Variants in FBH1 observed in about 807,000 individuals in gnomAD.
FBH1 encodes F-box DNA helicase 1, also known as DNA 3'-5' helicase 1.
Under a neutral mutation model 115.5 loss-of-function variants are expected in FBH1, and 43 were observed. The ratio of observed to expected loss-of-function variants is 0.37; its 90% confidence interval spans 0.29 to 0.48. FBH1 has a LOEUF of 0.48. Among genes scored for constraint, FBH1 ranks in the 20% least tolerant of loss-of-function variants. The pLI is 0.99. For missense variants in FBH1, 1,001 were observed against 1,337.3 expected, an observed-to-expected ratio of 0.75 and a Z score of 3.92; for synonymous variants, 524 against 507.8, an observed-to-expected ratio of 1.03 and a Z score of -0.43.
Position 5,911,937 on chromosome 10 carries a change from G to A in FBH1, c.1211+809G>A, listed in dbSNP as rs1048260488. ...TTCAGAGAAGGTATAGATGCCTTAA[G>A]GGCCTGAAGATGGGAATGAATTTGG... is the stretch of plus-strand genomic sequence containing the variant. On this transcript the variant is annotated intron_variant, in intron 6 of 20. Coordinates refer to ENST00000362091, the MANE Select transcript of FBH1 (RefSeq NM_178150.3). The surrounding 1 kb of genome is among the most constrained non-coding windows in gnomAD (Gnocchi z 5.4). Among the ~76,000 whole-genome samples, 7 of 152,232 alleles carry A rather than the reference G, an allele frequency of 4.6e-5. No individual in the cohort carries two copies. Among genetic ancestry groups the A allele is most frequent in the East Asian group, 3.9e-4 (2 of 5,174 alleles).
chr10:5,916,120 C>T, intron 9 of FBH1, 114 bp from the exon 10 acceptor site: 1 of 897,370 alleles, frequency 1.1e-6, no homozygotes, highest in South Asian at 1.6e-5. Flanking sequence ...TTAACACTCG[C>T]CTGTGTGTGG....
upstream of FBH1, chr10:5,889,999 A>G (rs773559823): frequency 1.3e-4 from 30 of 230,566 alleles, no homozygotes; most frequent in Non-Finnish European, 1.3e-4. Context: ...AACTCTGGGA[A>G]AGTTTCCCGC....
rs1022640592 is a variant in FBH1, at chr10:5,937,130, G to T, written c.2982G>T (p.Lys994Asn). 4 of 1,607,550 alleles carry T rather than the reference G, an allele frequency of 2.5e-6. No homozygotes were observed. The highest frequency in any genetic ancestry group is 3.4e-6 in the Non-Finnish European group (4 of 1,176,512). ...CACAGAGCAACAGGAAGGAAAACAAGGGGGGCTACCTCTGCCACTCCTGTG... is the reference window on the plus strand; with the variant it reads ...CACAGAGCAACAGGAAGGAAAACAATGGGGGCTACCTCTGCCACTCCTGTG... ...PITYSNRKEN[K>N]GGYLCHSCAE... Residue 994 changes from lysine (K) to asparagine (N), a missense_variant, in exon 21 of 21, where the codon AAG (lysine) becomes AAT (asparagine). By Grantham distance (94) the Lys-to-Asn change is moderately conservative. Coordinates refer to ENST00000362091, the MANE Select transcript of FBH1 (RefSeq NM_178150.3).
chr10:5,930,187 G>A (rs1053984141), intron 19 of FBH1, among the ~76,000 whole-genome samples: 2 of 152,004 alleles, frequency 1.3e-5, no homozygotes, highest in African/African-American at 2.4e-5. Flanking sequence ...TGCCATTTTC[G>A]TATTTTATAA....
In FBH1 at chr10:5,936,846, T is replaced by G. The variant is rs1369883732; in HGVS notation, c.2961+259T>G. 2.7e-5 allele frequency: 16 copies of G among 588,710 alleles called. No individual in the cohort carries two copies. The highest frequency in any genetic ancestry group is 3.5e-5 in the Non-Finnish European group (12 of 338,866). The allele number at this position is 588,710 out of a possible 1,614,324, so 36.5% of individuals were successfully genotyped here. A position where few individuals can be genotyped will look rare whatever the true frequency, so the allele number is the denominator to read the frequency against. On this transcript the variant is annotated intron_variant, in intron 20 of 20. Transcript: ENST00000362091. This position sits in a 1 kb window ranked among gnomAD's most constrained non-coding sequence, Gnocchi z 5.6. ...CACGCTTAGAGAGAGAGCTGTTCCC[T>G]GGGGTCCCAGCGCAGCTTTTCTTGG...
Position 5,927,539 on chromosome 10 carries a change from G to T in FBH1, c.2827G>T (p.Gly943Trp). ...ATTGGAAAACATTTTGACTTTGGCT[G>T]GGGTAAGCAGAACGGGCAGCATGAG... ...KSLENILTLA[G>W]EYFLQAELTS... The change falls in exon 19 of 21, where the codon GGG becomes TGG. Residue 943 changes from glycine to tryptophan, a missense_variant and splice_region_variant. Gly to Trp is a radical substitution (Grantham distance 184, BLOSUM62 -2). This residue lies in a region of FBH1 where 521 missense variants were observed against 811.0 expected (regional missense o/e 0.64). Transcript: ENST00000362091. 1 of 1,611,688 alleles carries T rather than the reference G, an allele frequency of 6.2e-7. No homozygotes were observed. Among genetic ancestry groups the T allele is most frequent in the Admixed American group, 1.7e-5 (1 of 59,450 alleles).
At chr10:5,912,037 A>G (rs77281982) in intron 6 of FBH1, among the ~76,000 whole-genome samples, 7,307 of 151,950 alleles carry the variant, frequency 0.048, 251 homozygotes, top group East Asian at 0.15. Flanking sequence ...ATGGACAGGG[A>G]CAGTTGAGGG....
In FBH1 at chr10:5,925,940, G is replaced by A. The variant is rs1399320613; in HGVS notation, c.2722+448G>A. 6.6e-6 allele frequency among the ~76,000 whole-genome samples: 1 copy of A among 152,008 alleles called. No individual in the cohort carries two copies. The highest frequency in any genetic ancestry group is 2.4e-5 in the African/African-American group (1 of 41,344). On this transcript the variant is annotated intron_variant, in intron 18 of 20. Transcript: ENST00000362091. The surrounding 1 kb of genome is among the most constrained non-coding windows in gnomAD (Gnocchi z 4.6). ...AGTAAGCATTCTTTATCATTTGTCT[G>A]GTGTTTTTTGGTACAGACAGGGGTC...
rs753658524 is a variant in FBH1, at chr10:5,911,022, C to T, written c.1105C>T (p.Arg369Trp). ...CATCCAGCGACTGCTCTTCTGCCTC[C>T]GGAGACCCAGCTCCACGGTGACCAT... ...NDIQRLLFCL[R>W]RPSSTVTMPD... The change falls in exon 6 of 21, where the codon CGG (arginine) becomes TGG (tryptophan). Residue 369 changes from arginine (R) to tryptophan (W), a missense_variant. Arg to Trp is a moderately radical substitution (Grantham distance 101). Around this residue, in one of 4 missense-constraint regions of FBH1, gnomAD observed 59 missense variants for 79.7 expected, o/e 0.74. Coordinates refer to ENST00000362091, the MANE Select transcript of FBH1 (RefSeq NM_178150.3). The surrounding 1 kb of genome is among the most constrained non-coding windows in gnomAD (Gnocchi z 5.4). 11 of 1,612,946 alleles carry T rather than the reference C, an allele frequency of 6.8e-6. No homozygotes were observed. The highest frequency in any genetic ancestry group is 4.5e-5 in the East Asian group (2 of 44,894).
At chr10:5,903,255 T>G in intron 2 of FBH1, 80 bp downstream of exon 2, 3 of 1,171,982 alleles carry the variant, frequency 2.6e-6, no homozygotes, top group Non-Finnish European at 3.5e-6. Flanking sequence ...TAAAAGTATT[T>G]GTAAATGTTG....
In FBH1 at chr10:5,909,882, T is replaced by C. The variant is rs1247907203; in HGVS notation, c.1020+588T>C. Among the ~76,000 whole-genome samples the C allele has an allele frequency of 6.6e-6, 1 of 152,226 alleles. No individual in the cohort carries two copies. Among genetic ancestry groups the C allele is most frequent in the Non-Finnish European group, 1.5e-5 (1 of 68,048 alleles). ...TGTTTCTCTTGAAGAAGATGATTGC[T>C]GATGGTGGTGGAGTGGGTCTTCTTT... On this transcript the variant is annotated intron_variant, in intron 5 of 20. Coordinates refer to ENST00000362091, the MANE Select transcript of FBH1 (RefSeq NM_178150.3). This position sits in a 1 kb window ranked among gnomAD's most constrained non-coding sequence, Gnocchi z 4.4.
At chr10:5,916,119 G>A (rs1237368912) in intron 9 of FBH1, 115 bp from the exon 10 acceptor site, 10 of 882,950 alleles carry the variant, frequency 1.1e-5, no homozygotes, top group Admixed American at 9.1e-5. Context: ...ATTAACACTC[G>A]CCTGTGTGTG....
At chr10:5,893,321 C>G (rs545536284) in intron 1 of FBH1, among the ~76,000 whole-genome samples, 130 of 152,226 alleles carry the variant, frequency 8.5e-4, no homozygotes, top group African/African-American at 3.1e-3. Context: ...AAACAAAAAA[C>G]AAACAAACAA....
chr10:5,911,946 G>A lies in FBH1; in HGVS notation c.1211+818G>A, dbSNP rs11598865. Among the ~76,000 whole-genome samples the A allele has an allele frequency of 0.035, 5,273 of 152,196 alleles. 170 individuals are homozygous for A. The highest frequency in any genetic ancestry group is 0.14 in the East Asian group (702 of 5,164). On this transcript the variant is annotated intron_variant, in intron 6 of 20. Transcript: ENST00000362091. This position sits in a 1 kb window ranked among gnomAD's most constrained non-coding sequence, Gnocchi z 5.4. Reference sequence around the variant, plus strand: ...GGTATAGATGCCTTAAGGGCCTGAAGATGGGAATGAATTTGGGACATGTGA... The same window carrying A: ...GGTATAGATGCCTTAAGGGCCTGAAAATGGGAATGAATTTGGGACATGTGA...
Position 5,903,132 on chromosome 10 carries a change from C to T in FBH1, c.114C>T (p.Asn38=), listed in dbSNP as rs1843461170. Residue 38 remains asparagine, a synonymous_variant, in exon 2 of 21, where the codon AAC becomes AAT. Transcript: ENST00000362091. ...FGQRWTNRDP[N]HGLYPKPRTK... ...AAAGATGGACAAACAGAGATCCGAA[C>T]CATGGTCTCTATCCTAAACCGAGAA... 3 of 1,613,692 alleles carry T rather than the reference C, an allele frequency of 1.9e-6. No homozygotes were observed. The highest frequency in any genetic ancestry group is 2.7e-5 in the African/African-American group (2 of 75,010).
At chr10:5,930,005 A>G (rs1024079578) in intron 19 of FBH1, 3 of 152,214 alleles carry the variant, frequency 2.0e-5, no homozygotes, top group African/African-American at 7.2e-5. Context: ...AGGGTATTAC[A>G]GAGCAGTGAT....
chr10:5,892,782 GTTATCCTTGTTGCTCTTTATCT>G (rs1842805764), intron 1 of FBH1, among the ~76,000 whole-genome samples: 1 of 152,202 alleles, frequency 6.6e-6, no homozygotes, highest in Non-Finnish European at 1.5e-5. Flanking sequence ...AGAAATGCCA[GTTATCCTTGTTGCTCTTTATCT>G]TTTATCTTTC....
At position 5,909,656 on chromosome 10, in the gene FBH1, G is replaced by A. The variant is rs750476126; in HGVS notation, c.1020+362G>A. Among the ~76,000 whole-genome samples the A allele has an allele frequency of 6.6e-6, 1 of 151,984 alleles. No homozygotes were observed. The highest frequency in any genetic ancestry group is 1.5e-5 in the Non-Finnish European group (1 of 67,926). ...ATCAACAAGTTTGCTTATTTGAAAG[G>A]GACAGAAAAATTAGGGGTCTTGCTA... On this transcript the variant is annotated intron_variant, in intron 5 of 20. Transcript: ENST00000362091. This position sits in a 1 kb window ranked among gnomAD's most constrained non-coding sequence, Gnocchi z 4.4.
In FBH1 at chr10:5,918,446, G is replaced by A. The variant is rs913816304; in HGVS notation, c.2068G>A (p.Val690Met). 6.2e-7 allele frequency: 1 copy of A among 1,608,962 alleles called. No individual in the cohort carries two copies. Among genetic ancestry groups the A allele is most frequent in the Non-Finnish European group, 8.5e-7 (1 of 1,178,528 alleles). The change falls in exon 13 of 21, where the codon GTG (valine) becomes ATG (methionine). Residue 690 changes from valine (V) to methionine (M), a missense_variant. By Grantham distance (21) the Val-to-Met change is conservative. Transcript: ENST00000362091. This position sits in a 1 kb window ranked among gnomAD's most constrained non-coding sequence, Gnocchi z 4.0. ...GGGTGCGGTCAACGCCCTGTTCACA[G>A]TGCCCCACACCCACGTCTTCTATCT... ...FRGAVNALFT[V>M]PHTHVFYLTQ...
Sources: gnomAD v4.1 joint callset for allele counts (sites outside exome capture counted in the v4.1 genomes callset) on GRCh38, gnomAD v4.1.1 for gene constraint, gnomAD v4.1.1 regional missense constraint, Gnocchi (gnomAD v3.1) non-coding constraint, MANE v1.5 for transcripts, NCBI Gene and HGNC (gene_info 2026-07-23, HGNC 2026-07-21) for gene names.